SF3A2: variants seen among roughly 807,000 people sequenced by gnomAD.
The protein encoded by SF3A2 is splicing factor 3a subunit 2, also known as SAP 62.
SF3A2 carries 5 observed loss-of-function variants against 31.1 expected under a neutral mutation model. The observed-to-expected ratio is 0.16, with a 90% CI of 0.08 to 0.34. The LOEUF is 0.34. Ranked by LOEUF, SF3A2 falls within the 10% of genes least tolerant of loss-of-function variation. SF3A2 has a pLI of 1.00. For synonymous variants in SF3A2, 365 were observed against 263.7 expected (o/e 1.38, Z -3.72); for missense variants, 577 against 643.9 (o/e 0.90, Z 1.13).
At position 2,245,597 on chromosome 19, in the gene SF3A2, G is replaced by T. The variant is rs1217701321; in HGVS notation, c.355+42G>T. On this transcript the variant is annotated intron_variant, in intron 5 of 8. Transcript: ENST00000221494. This position sits in a 1 kb window ranked among gnomAD's most constrained non-coding sequence, Gnocchi z 4.2. ...CGGGGCCGGCCACAGCCGCTGCCGT[G>T]ACATAAGTGTGTTCTTTAGTCTCCA... is the stretch of plus-strand genomic sequence containing the variant. The T allele has an allele frequency of 7.2e-7, 1 of 1,386,670 alleles. No individual in the cohort carries two copies. Among genetic ancestry groups the T allele is most frequent in the Non-Finnish European group, 1.0e-6 (1 of 997,260 alleles). The allele number at this position is 1,386,670 out of a possible 1,614,324, so 85.9% of individuals were successfully genotyped here.
chr19:2,239,798 G>C (rs2024873154), intron 1 of SF3A2, among the ~76,000 whole-genome samples: 3 of 151,882 alleles, frequency 2.0e-5, no homozygotes, highest in Admixed American at 2.0e-4. Context: ...GATTTGTTTG[G>C]CTCAGCTTCC....
intron 1 of SF3A2, among the ~76,000 whole-genome samples, chr19:2,238,724 C>T (rs2024862789): frequency 6.6e-6 from 1 of 152,232 alleles, no homozygotes; most frequent in Non-Finnish European, 1.5e-5. Context: ...TCCCACCTCT[C>T]ACACACCTAT....
Position 2,245,186 on chromosome 19 carries a change from T to C in SF3A2, c.246-260T>C, listed in dbSNP as rs1296770950. The C allele has an allele frequency of 6.3e-6, 3 of 479,958 alleles. No homozygotes were observed. The highest frequency in any genetic ancestry group is 3.7e-5 in the Admixed American group (1 of 27,054). 29.7% of individuals were successfully genotyped at this position (479,958 alleles called of 1,614,324 possible). On this transcript the variant is annotated intron_variant, in intron 4 of 8. Transcript: ENST00000221494. The surrounding 1 kb of genome is among the most constrained non-coding windows in gnomAD (Gnocchi z 4.2). ...GCGACAGAGTGAGACTCTTGTCTTA[T>C]TAAAAAAAAAAAAAAAGAGCAGAGG...
At chr19:2,243,678 G>T in intron 2 of SF3A2, 134 bp downstream of exon 2, 1 of 1,073,188 alleles carries the variant, frequency 9.3e-7, no homozygotes, top group African/African-American at 1.7e-5. Context: ...ACGCTCCCCT[G>T]TTGCCCCCGA....
Position 2,246,735 on chromosome 19 carries a change from G to T in SF3A2, c.356-18G>T. On this transcript the variant is annotated intron_variant, in intron 5 of 8. Coordinates refer to ENST00000221494, the MANE Select transcript of SF3A2 (RefSeq NM_007165.5). This position sits in a 1 kb window ranked among gnomAD's most constrained non-coding sequence, Gnocchi z 5.5. ...GAGAGGACAAGCAGCCGGGACCTGA[G>T]AGCTTTCTGTGTTGCAGTGACCAAG... 1.2e-6 allele frequency: 2 copies of T among 1,613,910 alleles called. No individual in the cohort carries two copies. The highest frequency in any genetic ancestry group is 1.7e-6 in the Non-Finnish European group (2 of 1,179,962).
intron 1 of SF3A2, among the ~76,000 whole-genome samples, chr19:2,238,723 TCA>T (rs2024862821): frequency 6.6e-6 from 1 of 152,236 alleles, no homozygotes; most frequent in East Asian, 1.9e-4. Flanking sequence ...CTCCCACCTC[TCA>T]CACACCTATC....
intron 1 of SF3A2, among the ~76,000 whole-genome samples, chr19:2,238,496 T>G (rs2024859584): frequency 6.6e-6 from 1 of 152,218 alleles, no homozygotes; most frequent in African/African-American, 2.4e-5. Context: ...CACTGCACCT[T>G]CACCTTCCAT....
chr19:2,241,029 A>C (rs1243965290), intron 1 of SF3A2, among the ~76,000 whole-genome samples: 2 of 152,072 alleles, frequency 1.3e-5, no homozygotes, highest in Non-Finnish European at 1.5e-5. Context: ...CGCTGTGGAG[A>C]GTGCAGGCTT....
In SF3A2 at chr19:2,248,505, G is replaced by C. The variant is rs372706092; in HGVS notation, c.1354G>C (p.Glu452Gln). The C allele has an allele frequency of 2.6e-6, 3 of 1,133,014 alleles. No individual in the cohort carries two copies. The highest frequency in any genetic ancestry group is 3.3e-6 in the Non-Finnish European group (3 of 895,764). 70.2% of individuals were successfully genotyped at this position (1,133,014 alleles called of 1,614,324 possible). ...AATGCTGAGGCCCCCACTTCCCTCC[G>C]AAGGCCCAGGGAACATACCTCCCCC... ...PPMLRPPLPSEGPGNIPPPPP... is the reference protein window; with the variant it reads ...PPMLRPPLPSQGPGNIPPPPP... Residue 452 changes from glutamate to glutamine, a missense_variant, in exon 9 of 9, where the codon GAA becomes CAA. Glu to Gln is a conservative substitution (Grantham distance 29, BLOSUM62 2). Coordinates refer to ENST00000221494, the MANE Select transcript of SF3A2 (RefSeq NM_007165.5).
intron 1 of SF3A2, chr19:2,237,593 AAAG>A (rs912751515): frequency 2.0e-5 from 3 of 152,146 alleles, no homozygotes; most frequent in African/African-American, 4.8e-5. Context: ...ACAAAATAAA[AAAG>A]AAACAACCAA....
At chr19:2,241,484 A>T (rs917631565) in intron 1 of SF3A2, among the ~76,000 whole-genome samples, 4 of 152,162 alleles carry the variant, frequency 2.6e-5, no homozygotes, top group Non-Finnish European at 5.9e-5. Flanking sequence ...TCCTCCAGAG[A>T]AAAATGAGGC....
chr19:2,238,904 T>C lies in SF3A2; in HGVS notation c.-38+2003T>C, dbSNP rs527918472. On this transcript the variant is annotated intron_variant, in intron 1 of 8. Coordinates refer to ENST00000221494, the MANE Select transcript of SF3A2 (RefSeq NM_007165.5). ...CCCCTGTGCTGACCTCTGTTTCCAG[T>C]GTGGTCATCTCTTTCCCTTCATGCT... is the stretch of plus-strand genomic sequence containing the variant. Among the ~76,000 whole-genome samples the C allele has an allele frequency of 3.5e-4, 53 of 152,334 alleles. 1 individual carries two copies. The highest frequency in any genetic ancestry group is 2.8e-3 in the Admixed American group (43 of 15,306).
chr19:2,244,506 G>T, intron 2 of SF3A2, 38 bp from the exon 3 acceptor site: 1 of 1,570,580 alleles, frequency 6.4e-7, no homozygotes, highest in South Asian at 1.1e-5. Flanking sequence ...AGCAGGCCGC[G>T]ATCTTCTGTC....
rs543124887 is a variant in SF3A2, at chr19:2,245,843, A to G, written c.355+288A>G. The G allele has an allele frequency of 8.7e-6, 4 of 458,030 alleles. No individual in the cohort carries two copies. In the Admixed American group the frequency reaches 1.1e-4, roughly 12 times the overall value. The allele number at this position is 458,030 out of a possible 1,614,324, so 28.4% of individuals were successfully genotyped here. A position where few individuals can be genotyped will look rare whatever the true frequency, so the allele number is the denominator to read the frequency against. ...AAGCTTCTGGGAATTCTTGCCAAGC[A>G]AAAGAGTGGAAGTGGAGGTGTGGTG... On this transcript the variant is annotated intron_variant, in intron 5 of 8. Transcript: ENST00000221494. The surrounding 1 kb of genome is among the most constrained non-coding windows in gnomAD (Gnocchi z 4.2).
At chr19:2,241,399 A>G (rs2024887853) in intron 1 of SF3A2, among the ~76,000 whole-genome samples, 1 of 152,110 alleles carries the variant, frequency 6.6e-6, no homozygotes, top group African/African-American at 2.4e-5. Flanking sequence ...GCCTGGTGGG[A>G]GGCTGCTTGC....
chr19:2,248,057 T>TC lies in SF3A2; in HGVS notation c.911dup (p.Ala305SerfsTer?). On this transcript the variant is annotated frameshift_variant, in exon 9 of 9. Transcript: ENST00000221494. LOFTEE classifies it low-confidence loss of function (END_TRUNC). ...TGCATCCCCCTGCATCTGGGGTCCA[T>TC]CCCCCAGCTCCTGGCGTCCACCCCC... 3 of 852,328 alleles carry TC rather than the reference T, an allele frequency of 3.5e-6. No individual in the cohort carries two copies. The highest frequency in any genetic ancestry group is 3.6e-6 in the Non-Finnish European group (2 of 550,898). 52.8% of individuals were successfully genotyped at this position (852,328 alleles called of 1,614,324 possible).
Position 2,247,641 on chromosome 19 carries a change from C to A in SF3A2, c.594C>A (p.His198Gln). Residue 198 changes from histidine (H) to glutamine (Q), a missense_variant, in exon 8 of 9, where the codon CAC becomes CAA. Around this residue, in one of 6 missense-constraint regions of SF3A2, gnomAD observed 37 missense variants for 85.0 expected, o/e 0.44. Transcript: ENST00000221494. Reference protein sequence around the residue: ...IDKAEGKFWTHWNRETKQFFL... With the variant: ...IDKAEGKFWTQWNRETKQFFL... ...AGGCGGAGGGCAAGTTCTGGACACA[C>A]TGGAACCGGGAGACCAAGCAGGTGA... 6.2e-7 allele frequency: 1 copy of A among 1,613,450 alleles called. No individual in the cohort carries two copies.
At chr19:2,241,259 G>A (rs2024886376) in intron 1 of SF3A2, among the ~76,000 whole-genome samples, 2 of 152,196 alleles carry the variant, frequency 1.3e-5, no homozygotes, top group Middle Eastern at 3.4e-3. Context: ...TGGGTTCTTG[G>A]AGTGCATCCG....
rs955059452 is a variant in SF3A2 at position 2,245,806 on chromosome 19, C to T, written c.355+251C>T. The T allele has an allele frequency of 6.7e-5, 35 of 525,690 alleles. No homozygotes were observed. Among genetic ancestry groups the T allele is most frequent in the Non-Finnish European group, 8.8e-5 (26 of 294,072 alleles). 32.6% of individuals were successfully genotyped at this position (525,690 alleles called of 1,614,324 possible). On this transcript the variant is annotated intron_variant, in intron 5 of 8. Transcript: ENST00000221494. The surrounding 1 kb of genome is among the most constrained non-coding windows in gnomAD (Gnocchi z 4.2). Reference sequence around the variant, plus strand: ...GAGCCACAGTCTGTGCCCTCCTGTCCGGGTCTTGTGGAAGCTTCTGGGAAT... The same window carrying T: ...GAGCCACAGTCTGTGCCCTCCTGTCTGGGTCTTGTGGAAGCTTCTGGGAAT...
Sources: allele counts gnomAD v4.1 joint callset (sites outside exome capture counted in the v4.1 genomes callset), GRCh38; gene constraint gnomAD v4.1.1; regional missense constraint gnomAD v4.1.1; non-coding constraint Gnocchi (gnomAD v3.1); transcripts MANE v1.5; gene names NCBI Gene and HGNC (gene_info 2026-07-23, HGNC 2026-07-21).